The following SEMA6D variants were observed in gnomAD, a reference collection of about 807,000 sequenced individuals.
SEMA6D encodes semaphorin-6D.
In SEMA6D, 35 loss-of-function variants were observed where a neutral mutation model predicts 106.6. The ratio of observed to expected loss-of-function variants is 0.33; its 90% CI spans 0.25 to 0.44. The LOEUF is 0.44. SEMA6D is among the 20% of genes least tolerant of loss of function. The probability of loss-of-function intolerance (pLI) is 1.00; values close to 1 mark genes in which losing one functional copy is unlikely to be tolerated. For missense variants in SEMA6D, 1,185 were observed against 1,345.9 expected (o/e 0.88, Z 1.87); for synonymous variants, 499 against 487.7 (o/e 1.02, Z -0.31).
chr15:47,745,164 C>T (rs1466855952), intron 1 of SEMA6D, among the ~76,000 whole-genome samples: 1 of 152,218 alleles, frequency 6.6e-6, no homozygotes, highest in African/African-American at 2.4e-5. Flanking sequence ...TAGAACCACA[C>T]ACCCTTCCTC....
chr15:47,193,426 T>C (rs1046176260), intron 1 of SEMA6D, among the ~76,000 whole-genome samples: 1 of 152,170 alleles, frequency 6.6e-6, no homozygotes, highest in Non-Finnish European at 1.5e-5. Flanking sequence ...ACTGCAAATA[T>C]TCCCAAATCA....
chr15:47,461,932 A>G lies in SEMA6D; in HGVS notation c.-158-8542A>G, dbSNP rs368376207. Among the ~76,000 whole-genome samples the G allele has an allele frequency of 1.2e-4, 18 of 152,134 alleles. 1 individual carries two copies. The East Asian group carries it at 3.3e-3, about 28-fold the overall frequency. On this transcript the variant is annotated intron_variant, in intron 2 of 19. Coordinates refer to the SEMA6D transcript ENST00000558014. ...GCCCAGGTCCAAGTCAATGCATACC[A>G]AGGTTTGATCCTGCCACATGAGTAA...
At chr15:47,734,856 G>A (rs2080352230) in intron 1 of SEMA6D, among the ~76,000 whole-genome samples, 1 of 152,188 alleles carries the variant, frequency 6.6e-6, no homozygotes, top group African/African-American at 2.4e-5. Context: ...TCTTGAGAAA[G>A]TTGAGCTGTG....
chr15:47,741,413 T>A (rs2080805861), intron 1 of SEMA6D, among the ~76,000 whole-genome samples: 1 of 152,160 alleles, frequency 6.6e-6, no homozygotes, highest in African/African-American at 2.4e-5. Flanking sequence ...TCCAGGTGTG[T>A]CCCATGAAAA....
chr15:47,572,688 C>A (rs1252173334), intron 3 of SEMA6D, among the ~76,000 whole-genome samples: 1 of 152,226 alleles, frequency 6.6e-6, no homozygotes, highest in Non-Finnish European at 1.5e-5. Context: ...ACAACACTTT[C>A]TTCCAATACA....
At chr15:47,688,152 C>G (rs144998479) in intron 4 of SEMA6D, among the ~76,000 whole-genome samples, 7 of 152,176 alleles carry the variant, frequency 4.6e-5, no homozygotes, top group Admixed American at 4.6e-4. Flanking sequence ...TGAATTTACA[C>G]TAAGTTCATA....
chr15:47,719,572 A>G (rs990235729), intron 1 of SEMA6D, among the ~76,000 whole-genome samples: 1 of 152,130 alleles, frequency 6.6e-6, no homozygotes, highest in South Asian at 2.1e-4. Context: ...TATTTTGTTT[A>G]TTCCAAAGCT....
At chr15:47,667,038 G>T (rs1225416648) in intron 4 of SEMA6D, among the ~76,000 whole-genome samples, 1 of 152,114 alleles carries the variant, frequency 6.6e-6, no homozygotes, top group African/African-American at 2.4e-5. Flanking sequence ...GAGTCCAGAA[G>T]CCTCCAGAAG....
rs565058927 is a variant in SEMA6D at position 47,634,966 on chromosome 15, G to A, written c.-55+34070G>A. On this transcript the variant is annotated intron_variant, in intron 4 of 19. Transcript: ENST00000558014. ...GCTTTTACGCCAGCACTTTCCTGGT[G>A]TTTTGGCTAGGAGAACAGACCTTTT... 2.0e-5 allele frequency among the ~76,000 whole-genome samples: 3 copies of A among 152,304 alleles called. No homozygotes were observed. The South Asian group carries it at 6.2e-4, about 32-fold the overall frequency.
At chr15:47,635,984 G>A (rs186028100) in intron 4 of SEMA6D, among the ~76,000 whole-genome samples, 32 of 147,996 alleles carry the variant, frequency 2.2e-4, no homozygotes, top group Non-Finnish European at 3.6e-4. Flanking sequence ...AAATTTTACC[G>A]AAGAGAATCT....
intron 3 of SEMA6D, among the ~76,000 whole-genome samples, chr15:47,506,843 A>T (rs974878400): frequency 6.6e-6 from 1 of 152,210 alleles, no homozygotes; most frequent in Admixed American, 6.5e-5. Flanking sequence ...CTGTTGCCAT[A>T]TTTACATCAC....
At chr15:47,685,324 C>T (rs2078445460) in intron 4 of SEMA6D, among the ~76,000 whole-genome samples, 1 of 152,146 alleles carries the variant, frequency 6.6e-6, no homozygotes, top group Admixed American at 6.5e-5. Flanking sequence ...GTAGCACAAT[C>T]CCAGAGAGGC....
At chr15:47,395,061 A>G (rs980645615) in intron 1 of SEMA6D, among the ~76,000 whole-genome samples, 4 of 152,178 alleles carry the variant, frequency 2.6e-5, no homozygotes, top group Admixed American at 6.5e-5. Context: ...AAAAACTGAG[A>G]AATGAGGAAA....
intron 1 of SEMA6D, among the ~76,000 whole-genome samples, chr15:47,367,725 CACAG>C (rs1266387388): frequency 4.0e-3 from 85 of 21,242 alleles, no homozygotes; most frequent in African/African-American, 8.0e-3. Flanking sequence ...CACACACACA[CACAG>C]AGAGAGAGAA....
intron 1 of SEMA6D, among the ~76,000 whole-genome samples, chr15:47,191,122 C>T (rs914551469): frequency 7.9e-5 from 12 of 151,824 alleles, no homozygotes; most frequent in African/African-American, 2.7e-4. Flanking sequence ...TGCAGAGAGC[C>T]GTGATTGTGC....
intron 2 of SEMA6D, among the ~76,000 whole-genome samples, chr15:47,425,268 C>G (rs1482889238): frequency 6.6e-6 from 1 of 151,932 alleles, no homozygotes; most frequent in Admixed American, 6.6e-5. Flanking sequence ...AAAAAGTTTC[C>G]TCAGCGAGAT....
chr15:47,508,465 TG>T (rs1015245526), intron 3 of SEMA6D, among the ~76,000 whole-genome samples: 7 of 152,300 alleles, frequency 4.6e-5, no homozygotes, highest in African/African-American at 1.7e-4. Flanking sequence ...CGGATTTTTC[TG>T]AAAACCCTGT....
rs189760184 is a variant in SEMA6D at position 47,761,774 on chromosome 15, A to G, written c.538+23A>G. 2.5e-4 allele frequency: 394 copies of G among 1,548,122 alleles called. 1 individual carries two copies. The highest frequency in any genetic ancestry group is 2.0e-3 in the Middle Eastern group (12 of 5,860). ...CTGGTAAGATCCTTTAGCGTAATGAATATAAATGATTAATGACATTGAAGG... is the reference window on the plus strand; with the variant it reads ...CTGGTAAGATCCTTTAGCGTAATGAGTATAAATGATTAATGACATTGAAGG... On this transcript the variant is annotated intron_variant, in intron 7 of 18. Coordinates refer to ENST00000536845, the MANE Select transcript of SEMA6D (RefSeq NM_001358351.3).
At chr15:47,277,660 G>C (rs1225337316) in intron 1 of SEMA6D, among the ~76,000 whole-genome samples, 1 of 150,350 alleles carries the variant, frequency 6.7e-6, no homozygotes, top group Non-Finnish European at 1.5e-5. Context: ...TGTGCACAAT[G>C]TACAGGTTAG....
Sources: allele counts gnomAD v4.1 joint callset (sites outside exome capture counted in the v4.1 genomes callset), GRCh38; gene constraint gnomAD v4.1.1; transcripts MANE v1.5; gene names NCBI Gene and HGNC (gene_info 2026-07-23, HGNC 2026-07-21).